DLGAP2: variants seen among roughly 807,000 people sequenced by gnomAD.
DLGAP2 encodes the protein disks large-associated protein 2.
DLGAP2 carries 26 observed loss-of-function variants against 100.3 expected under a neutral mutation model. The observed-to-expected ratio is 0.26, with a 90% CI of 0.19 to 0.36. The LOEUF is 0.36. Among genes scored for constraint, DLGAP2 ranks in the 10% least tolerant of loss-of-function variants. The probability of loss-of-function intolerance (pLI) is 1.00; values close to 1 mark genes in which losing one functional copy is unlikely to be tolerated. For missense variants in DLGAP2, 1,858 were observed against 1,453.2 expected (o/e 1.28, Z -4.53); for synonymous variants, 886 against 630.1 (o/e 1.41, Z -6.08).
intron 3 of DLGAP2, among the ~76,000 whole-genome samples, chr8:1,307,962 C>T (rs1206369489): frequency 1.3e-5 from 2 of 151,872 alleles, no homozygotes; most frequent in East Asian, 1.9e-4. Context: ...TGTGAATGTC[C>T]TTAACACACC....
intron 1 of DLGAP2, among the ~76,000 whole-genome samples, chr8:844,804 C>T (rs1022727219): frequency 6.6e-6 from 1 of 152,192 alleles, no homozygotes; most frequent in Non-Finnish European, 1.5e-5. Context: ...CCCAAAGAAA[C>T]CCCACCTATC....
At chr8:1,600,887 A>T (rs1796603371) in intron 6 of DLGAP2, among the ~76,000 whole-genome samples, 1 of 152,144 alleles carries the variant, frequency 6.6e-6, no homozygotes, top group Non-Finnish European at 1.5e-5. Context: ...TGCCAAACTC[A>T]TTCTCTGTCC....
At chr8:1,062,162 C>G (rs2129035346) in intron 2 of DLGAP2, among the ~76,000 whole-genome samples, 1 of 152,286 alleles carries the variant, frequency 6.6e-6, no homozygotes, top group South Asian at 2.1e-4. Flanking sequence ...AAGGAAGGAG[C>G]TTGCCTCTCC....
At chr8:1,257,898 C>G (rs908399130) in intron 2 of DLGAP2, among the ~76,000 whole-genome samples, 5 of 152,222 alleles carry the variant, frequency 3.3e-5, no homozygotes, top group South Asian at 2.1e-4. Flanking sequence ...GTCACCTGCC[C>G]TCATGTTCTC....
chr8:877,591 G>A (rs1797708450), intron 1 of DLGAP2, among the ~76,000 whole-genome samples: 1 of 152,206 alleles, frequency 6.6e-6, no homozygotes, highest in Non-Finnish European at 1.5e-5. Flanking sequence ...TGAAGGAATA[G>A]TTTGAGGTTC....
intron 2 of DLGAP2, among the ~76,000 whole-genome samples, chr8:1,142,503 T>C (rs150692522): frequency 6.6e-6 from 1 of 152,334 alleles, no homozygotes; most frequent in African/African-American, 2.4e-5. Flanking sequence ...TATTTGGGTC[T>C]AGTATAGAAC....
rs566321115 is a variant in DLGAP2, at chr8:785,092, C to T, written c.18+47267C>T. Among the ~76,000 whole-genome samples, 12 of 152,006 alleles carry T rather than the reference C, an allele frequency of 7.9e-5. No homozygotes were observed. In the East Asian group the frequency reaches 1.9e-3, roughly 25 times the overall value. The stretch of plus-strand genomic sequence containing the variant: ...ATTAGCCGGGTGTGGTGGCAGGCGC[C>T]TGTAGTCCCAGCTACTAGGGAGGCT... On this transcript the variant is annotated intron_variant, in intron 1 of 14. Coordinates refer to ENST00000637795, the MANE Select transcript of DLGAP2 (RefSeq NM_001346810.2).
intron 3 of DLGAP2, among the ~76,000 whole-genome samples, chr8:1,414,434 G>T (rs919546051): frequency 6.6e-6 from 1 of 152,250 alleles, no homozygotes; most frequent in Non-Finnish European, 1.5e-5. Context: ...AGCCGGTCAA[G>T]TGTGGGAGGC....
At chr8:1,260,390 C>A (rs1014146667) in intron 3 of DLGAP2, among the ~76,000 whole-genome samples, 2 of 152,086 alleles carry the variant, frequency 1.3e-5, no homozygotes, top group African/African-American at 4.8e-5. Context: ...TTGCATCTTG[C>A]TCTTCGTCTA....
intron 1 of DLGAP2, among the ~76,000 whole-genome samples, chr8:855,851 C>A (rs1433744191): frequency 1.3e-5 from 2 of 152,196 alleles, no homozygotes; most frequent in Non-Finnish European, 2.9e-5. Flanking sequence ...AAATCCAATC[C>A]CATTAATGAT....
At chr8:1,313,669 C>G (rs575811803) in intron 3 of DLGAP2, among the ~76,000 whole-genome samples, 35 of 152,142 alleles carry the variant, frequency 2.3e-4, no homozygotes, top group African/African-American at 8.4e-4. Flanking sequence ...CGGGATACCT[C>G]AAGTCCCACC....
chr8:838,626 A>G (rs867263714), intron 1 of DLGAP2, among the ~76,000 whole-genome samples: 1 of 152,322 alleles, frequency 6.6e-6, no homozygotes, highest in East Asian at 1.9e-4. Context: ...CACCAAAAAA[A>G]GGGAAAAGCT....
chr8:1,332,728 C>A (rs1421329591), intron 3 of DLGAP2, among the ~76,000 whole-genome samples: 1 of 152,192 alleles, frequency 6.6e-6, no homozygotes, highest in East Asian at 1.9e-4. Context: ...TGAGCTCAGC[C>A]TCACCTCTCA....
chr8:1,000,791 C>A (rs570361998), intron 2 of DLGAP2, among the ~76,000 whole-genome samples: 1 of 152,214 alleles, frequency 6.6e-6, no homozygotes, highest in South Asian at 2.1e-4. Flanking sequence ...GGAGGTGGCT[C>A]CTCAAGACTC....
At chr8:826,927 C>G (rs1218028259) in intron 1 of DLGAP2, among the ~76,000 whole-genome samples, 1 of 152,216 alleles carries the variant, frequency 6.6e-6, no homozygotes, top group Non-Finnish European at 1.5e-5. Context: ...TCCAGTCTTT[C>G]CATTCTCTCT....
intron 3 of DLGAP2, among the ~76,000 whole-genome samples, chr8:1,427,466 C>T (rs887535376): frequency 1.1e-4 from 17 of 152,178 alleles, no homozygotes; most frequent in African/African-American, 4.1e-4. Flanking sequence ...ATAATATAAA[C>T]AAACATCCTC....
intron 3 of DLGAP2, among the ~76,000 whole-genome samples, chr8:1,274,199 C>A (rs1799637183): frequency 6.6e-6 from 1 of 151,512 alleles, no homozygotes; most frequent in Non-Finnish European, 1.5e-5. Flanking sequence ...ATTTATATTT[C>A]AAATAAATCT....
At position 1,186,520 on chromosome 8, in the gene DLGAP2, C is replaced by T. The variant is rs551983932; in HGVS notation, c.74-72331C>T. Among the ~76,000 whole-genome samples, 6 of 152,272 alleles carry T rather than the reference C, an allele frequency of 3.9e-5. No homozygotes were observed. In the East Asian group the frequency reaches 9.7e-4, roughly 25 times the overall value. ...GTCAGTGACTGCAGTGACTTCCAGG[C>T]GCCTTATCCTCTCTAAGCGTCCTGA... is the stretch of plus-strand genomic sequence containing the variant. On this transcript the variant is annotated intron_variant, in intron 2 of 14. Coordinates refer to ENST00000637795, the MANE Select transcript of DLGAP2 (RefSeq NM_001346810.2).
At chr8:1,095,592 T>A (rs987564095) in intron 2 of DLGAP2, among the ~76,000 whole-genome samples, 1 of 152,188 alleles carries the variant, frequency 6.6e-6, no homozygotes, top group Non-Finnish European at 1.5e-5. Flanking sequence ...CTTGGGGGTC[T>A]TCAAAGTAAA....
Sources: gnomAD v4.1 joint callset for allele counts (sites outside exome capture counted in the v4.1 genomes callset) on GRCh38, gnomAD v4.1.1 for gene constraint, MANE v1.5 for transcripts, NCBI Gene and HGNC (gene_info 2026-07-23, HGNC 2026-07-21) for gene names.